Variants in LRRTM4 observed in about 807,000 individuals in gnomAD.
LRRTM4 encodes leucine-rich repeat transmembrane neuronal protein 4.
Under a neutral mutation model 47.6 loss-of-function variants are expected in LRRTM4, and 25 were observed. The ratio of observed to expected loss-of-function variants is 0.53; its 90% confidence interval spans 0.38 to 0.73. The LOEUF is 0.73. Among genes scored for constraint, LRRTM4 ranks in the 30% least tolerant of loss-of-function variants. The pLI is 0.00. For synonymous variants in LRRTM4, 311 were observed against 269.5 expected, an observed-to-expected ratio of 1.15 and a Z score of -1.51; for missense variants, 638 against 713.4, an observed-to-expected ratio of 0.89 and a Z score of 1.20.
chr2:77,269,700 T>G (rs1018221673), intron 3 of LRRTM4, among the ~76,000 whole-genome samples: 1 of 152,242 alleles, frequency 6.6e-6, no homozygotes, highest in African/African-American at 2.4e-5. Flanking sequence ...TGTTAAATTA[T>G]TTTTCTTAAG....
intron 3 of LRRTM4, among the ~76,000 whole-genome samples, chr2:77,020,180 T>TA (rs201389474): frequency 3.4e-4 from 34 of 99,660 alleles, no homozygotes; most frequent in Non-Finnish European, 5.3e-4. Flanking sequence ...GTAGTATTAA[T>TA]AAAAAAAATA....
At chr2:77,096,421 A>G (rs1255490109) in intron 3 of LRRTM4, among the ~76,000 whole-genome samples, 2 of 151,656 alleles carry the variant, frequency 1.3e-5, no homozygotes, top group Non-Finnish European at 2.9e-5. Context: ...GGAGTAAAGA[A>G]AAAAACTCAG....
chr2:76,920,772 G>A (rs1275985029), intron 3 of LRRTM4, among the ~76,000 whole-genome samples: 2 of 152,030 alleles, frequency 1.3e-5, no homozygotes, highest in Non-Finnish European at 2.9e-5. Context: ...AATCTTCTTT[G>A]CCTTCTACTT....
intron 3 of LRRTM4, among the ~76,000 whole-genome samples, chr2:77,434,136 C>T (rs76617334): frequency 0.023 from 3,561 of 151,876 alleles, 137 homozygotes; most frequent in African/African-American, 0.08. Context: ...AGATAATATC[C>T]AAAAGATCCC....
intron 3 of LRRTM4, among the ~76,000 whole-genome samples, chr2:77,425,518 T>C (rs981556297): frequency 1.3e-5 from 2 of 152,228 alleles, no homozygotes; most frequent in African/African-American, 4.8e-5. Flanking sequence ...TTGTTTGGAA[T>C]CTTACCTTCT....
At chr2:77,078,380 CCACACACACACACA>C (rs59703273) in intron 3 of LRRTM4, among the ~76,000 whole-genome samples, 44 of 139,346 alleles carry the variant, frequency 3.2e-4, no homozygotes, top group Non-Finnish European at 6.2e-4. Flanking sequence ...ACACACACAC[CCACACACACACACA>C]CACACACACA....
At chr2:76,752,391 A>G (rs568194145) in intron 3 of LRRTM4, among the ~76,000 whole-genome samples, 1 of 152,304 alleles carries the variant, frequency 6.6e-6, no homozygotes, top group Admixed American at 6.5e-5. Context: ...TTTACATATT[A>G]CACCATTTCT....
chr2:76,804,458 G>C (rs1250785613), intron 3 of LRRTM4, among the ~76,000 whole-genome samples: 1 of 151,764 alleles, frequency 6.6e-6, no homozygotes, highest in East Asian at 1.9e-4. Flanking sequence ...TACAGGACTG[G>C]ATAAATAAGT....
chr2:77,043,023 G>C (rs548009149), intron 3 of LRRTM4, among the ~76,000 whole-genome samples: 1 of 151,740 alleles, frequency 6.6e-6, no homozygotes, highest in South Asian at 2.1e-4. Context: ...GCTGGGACTC[G>C]TGAGATTTAC....
At chr2:76,887,114 A>G (rs1002468898) in intron 3 of LRRTM4, among the ~76,000 whole-genome samples, 3 of 151,888 alleles carry the variant, frequency 2.0e-5, no homozygotes, top group African/African-American at 7.2e-5. Flanking sequence ...TCTACAAAAT[A>G]AAGTGTAAAT....
At chr2:77,134,841 CATAA>C (rs1396062086) in intron 3 of LRRTM4, among the ~76,000 whole-genome samples, 2 of 152,050 alleles carry the variant, frequency 1.3e-5, no homozygotes, top group Non-Finnish European at 2.9e-5. Flanking sequence ...ATTAAAAAGA[CATAA>C]ATAAATCTTT....
intron 3 of LRRTM4, among the ~76,000 whole-genome samples, chr2:76,784,662 T>C (rs534344351): frequency 6.6e-6 from 1 of 152,252 alleles, no homozygotes; most frequent in African/African-American, 2.4e-5. Context: ...TAATGTTCTC[T>C]TTATTTCATG....
Position 76,893,268 on chromosome 2 carries a change from A to T in LRRTM4, c.1552-144352T>A, listed in dbSNP as rs555148562. ...ATATGTGTTGCTCACAAGACATACAAGAAATTCTAATTTTCAAAAGTTATA... is the reference window on the plus strand; with the variant it reads ...ATATGTGTTGCTCACAAGACATACATGAAATTCTAATTTTCAAAAGTTATA... On this transcript the variant is annotated intron_variant, in intron 3 of 3. Transcript: ENST00000409884. Among the ~76,000 whole-genome samples, 4 of 151,766 alleles carry T rather than the reference A, an allele frequency of 2.6e-5. No homozygotes were observed. In the South Asian group the frequency reaches 8.3e-4, roughly 31 times the overall value.
At chr2:77,069,330 G>A (rs973447079) in intron 3 of LRRTM4, among the ~76,000 whole-genome samples, 2 of 151,670 alleles carry the variant, frequency 1.3e-5, no homozygotes, top group Admixed American at 1.3e-4. Flanking sequence ...GCTTTCATGT[G>A]GATACGTTTT....
chr2:76,774,707 C>T (rs1048687249), intron 3 of LRRTM4, among the ~76,000 whole-genome samples: 2 of 152,116 alleles, frequency 1.3e-5, no homozygotes, highest in African/African-American at 4.8e-5. Flanking sequence ...GAGTCAGGCA[C>T]ATTCCGTGTA....
chr2:77,264,758 C>CACAACACAA (rs1676007140), intron 3 of LRRTM4, among the ~76,000 whole-genome samples: 2 of 152,018 alleles, frequency 1.3e-5, no homozygotes, highest in African/African-American at 4.8e-5. Flanking sequence ...AATGAGGCCC[C>CACAACACAA]TTATATAAAC....
intron 3 of LRRTM4, among the ~76,000 whole-genome samples, chr2:77,299,455 C>T (rs72809146): frequency 0.012 from 1,748 of 151,768 alleles, 20 homozygotes; most frequent in Middle Eastern, 0.017. Context: ...TTCATTATTT[C>T]CATATTATAA....
intron 3 of LRRTM4, among the ~76,000 whole-genome samples, chr2:76,922,181 A>G (rs999523847): frequency 5.9e-5 from 9 of 152,108 alleles, no homozygotes; most frequent in Admixed American, 5.9e-4. Flanking sequence ...TTATACATGT[A>G]TATTAGTCTG....
At chr2:77,313,961 G>T (rs1407274825) in intron 3 of LRRTM4, among the ~76,000 whole-genome samples, 12 of 152,128 alleles carry the variant, frequency 7.9e-5, no homozygotes, top group Non-Finnish European at 1.6e-4. Flanking sequence ...ATGAAGACAC[G>T]TTGCAATGGG....
Sources: gnomAD v4.1 joint callset for allele counts (sites outside exome capture counted in the v4.1 genomes callset) on GRCh38, gnomAD v4.1.1 for gene constraint, MANE v1.5 for transcripts, NCBI Gene and HGNC (gene_info 2026-07-23, HGNC 2026-07-21) for gene names.